Variants in HELB observed in about 807,000 individuals in gnomAD.
HELB encodes the protein DNA helicase B, also known as DNA 5'-3' helicase B.
HELB carries 96 observed loss-of-function variants against 101.7 expected under a neutral mutation model. That is an observed-to-expected ratio of 0.94 (90% CI 0.80 to 1.12). The LOEUF (loss-of-function observed/expected upper bound fraction) is 1.12. Among genes scored for constraint, HELB ranks in the 50% most tolerant of loss-of-function variants. The pLI is 0.00. For missense variants in HELB, 1,210 were observed against 1,291.9 expected, an observed-to-expected ratio of 0.94 and a Z score of 0.97; for synonymous variants, 437 against 459.7, an observed-to-expected ratio of 0.95 and a Z score of 0.63.
At chr12:66,325,668 A>G (rs967542816) in intron 11 of HELB, among the ~76,000 whole-genome samples, 1 of 152,146 alleles carries the variant, frequency 6.6e-6, no homozygotes, top group Non-Finnish European at 1.5e-5. Flanking sequence ...AGCAATATAT[A>G]TGATTGTTTT....
At chr12:66,317,018 C>CAAAAAAAA (rs35841295) in intron 6 of HELB, among the ~76,000 whole-genome samples, 3 of 81,512 alleles carry the variant, frequency 3.7e-5, no homozygotes, top group Non-Finnish European at 4.8e-5. Context: ...GACTCCATCT[C>CAAAAAAAA]AAAAAAAAAA....
chr12:66,304,719 G>GTTT lies in HELB; in HGVS notation c.188-5_188-3dup. The GTTT allele has an allele frequency of 6.4e-7, 1 of 1,555,266 alleles. No homozygotes were observed. Among genetic ancestry groups the GTTT allele is most frequent in the Admixed American group, 2.1e-5 (1 of 47,700 alleles). Reference sequence around the variant, plus strand: ...AGTTAACTTTTGTGGGTTTTTGTTTGTTTTTTTTTAGTTTCTATTTGTGAT... The same window carrying GTTT: ...AGTTAACTTTTGTGGGTTTTTGTTTGTTTTTTTTTTTTAGTTTCTATTTGTGAT... On this transcript the variant is annotated splice_polypyrimidine_tract_variant and intron_variant, in intron 1 of 12. Coordinates refer to ENST00000247815, the MANE Select transcript of HELB (RefSeq NM_001370285.1).
At chr12:66,320,249 C>T (rs1029967532) in intron 7 of HELB, among the ~76,000 whole-genome samples, 2 of 152,002 alleles carry the variant, frequency 1.3e-5, no homozygotes, top group Admixed American at 1.3e-4. Context: ...AATTAATGTT[C>T]CCTGGTAATT....
intron 1 of HELB, among the ~76,000 whole-genome samples, chr12:66,303,447 C>G (rs567054285): frequency 4.6e-5 from 7 of 151,864 alleles, no homozygotes; most frequent in African/African-American, 7.2e-5. Flanking sequence ...AAACCTGTCT[C>G]TAGTAAAACA....
intron 2 of HELB, 78 bp downstream of exon 2, chr12:66,305,228 G>A (rs2053461183): frequency 1.3e-5 from 11 of 879,630 alleles, no homozygotes; most frequent in African/African-American, 5.1e-5. Flanking sequence ...GTTACCACTA[G>A]CATAGTATTC....
intron 4 of HELB, among the ~76,000 whole-genome samples, chr12:66,313,739 G>T (rs1433280817): frequency 6.6e-6 from 1 of 152,110 alleles, no homozygotes; most frequent in Admixed American, 6.6e-5. Context: ...AAAGAATAGG[G>T]AGCTTTCTGT....
chr12:66,319,035 G>A (rs1000562752), intron 7 of HELB, among the ~76,000 whole-genome samples: 3 of 152,184 alleles, frequency 2.0e-5, no homozygotes, highest in Admixed American at 6.5e-5. Flanking sequence ...ATAGATGGAT[G>A]TAGATGATTT....
chr12:66,343,479 C>T (rs1173704448), exon 14 of HELB: 1 of 152,138 alleles, frequency 6.6e-6, no homozygotes, highest in Non-Finnish European at 1.5e-5. Context: ...CCATGGTGCC[C>T]AGGCTGGTCT....
In HELB at chr12:66,302,693, C is replaced by T. The variant is rs1471739868; in HGVS notation, c.90C>T (p.Asn30=). 3 of 1,613,968 alleles carry T rather than the reference C, an allele frequency of 1.9e-6. No individual in the cohort carries two copies. Among genetic ancestry groups the T allele is most frequent in the South Asian group, 1.1e-5 (1 of 91,086 alleles). ...DLVEEDDDYL[N]DDVEEDEESV... ...TGGAGGAGGACGACGACTACCTAAA[C>T]GACGACGTGGAGGAGGATGAAGAGT... Residue 30 remains asparagine (N), a synonymous_variant, in exon 1 of 13, where the codon AAC becomes AAT. Coordinates refer to ENST00000247815, the MANE Select transcript of HELB (RefSeq NM_001370285.1).
intron 5 of HELB, 35 bp from the exon 6 acceptor site, chr12:66,315,207 A>G (rs762503840): frequency 2.7e-6 from 4 of 1,475,812 alleles, no homozygotes; most frequent in Admixed American, 2.3e-5. Flanking sequence ...TTTTTCTCAG[A>G]GTAAGTCTTG....
In HELB at chr12:66,316,741, C is replaced by T. The variant is rs188895186; in HGVS notation, c.2000+1358C>T. On this transcript the variant is annotated intron_variant, in intron 6 of 12. Transcript: ENST00000247815. The stretch of plus-strand genomic sequence containing the variant: ...TCTATTAAAAATACAGACATTAGGC[C>T]AGGCGCGGTGGCTCATGCCTGTAAT... 9.1e-3 allele frequency among the ~76,000 whole-genome samples: 1,388 copies of T among 151,928 alleles called. 29 individuals are homozygous for T. The highest frequency in any genetic ancestry group is 0.031 in the African/African-American group (1,279 of 41,404).
At chr12:66,328,221 G>A (rs1003734889) in intron 11 of HELB, among the ~76,000 whole-genome samples, 10 of 152,292 alleles carry the variant, frequency 6.6e-5, no homozygotes, top group South Asian at 4.1e-4. Context: ...GCTATTGAGC[G>A]CTGGAAATGT....
rs989484290 is a variant in HELB at position 66,315,455 on chromosome 12, A to G, written c.2000+72A>G. 4 of 1,179,686 alleles carry G rather than the reference A, an allele frequency of 3.4e-6. No homozygotes were observed. In the African/African-American group the frequency reaches 6.2e-5, roughly 18 times the overall value. 73.1% of individuals were successfully genotyped at this position (1,179,686 alleles called of 1,614,324 possible). A position where few individuals can be genotyped will look rare whatever the true frequency, so the allele number is the denominator to read the frequency against. On this transcript the variant is annotated intron_variant, in intron 6 of 12. Transcript: ENST00000247815. ...ATTTAAAAAATGGCCTTTGAATTAG[A>G]ATGATTTAGTACAATACATTAACTA...
chr12:66,322,623 G>T, intron 8 of HELB, 101 bp from the exon 9 acceptor site: 1 of 643,066 alleles, frequency 1.6e-6, no homozygotes, highest in Non-Finnish European at 2.7e-6. Flanking sequence ...AGAAAGTCTT[G>T]GAAACGTTTT....
At position 66,313,380 on chromosome 12, in the gene HELB, C is replaced by T. The variant is rs144002830; in HGVS notation, c.1681-606C>T. 1.4e-3 allele frequency among the ~76,000 whole-genome samples: 215 copies of T among 152,170 alleles called. 8 individuals carry two copies. In the East Asian group the frequency reaches 0.029, roughly 21 times the overall value. On this transcript the variant is annotated intron_variant, in intron 4 of 12. Transcript: ENST00000247815. ...GATACTCAACCTATAAATGTTCATA[C>T]TGATGACATAGAAACATTTTTGGGA...
At position 66,331,541 on chromosome 12, in the gene HELB, T is replaced by C. The variant is rs751638673; in HGVS notation, c.3058T>C (p.Ser1020Pro). 3 of 1,614,022 alleles carry C rather than the reference T, an allele frequency of 1.9e-6. No individual in the cohort carries two copies. The highest frequency in any genetic ancestry group is 8.5e-7 in the Non-Finnish European group (1 of 1,180,044). Reference protein sequence around the residue: ...TLTFAERWQLSSPDGVDTDDD... With the variant: ...TLTFAERWQLPSPDGVDTDDD... ...CACCTTTGCTGAAAGATGGCAATTA[T>C]CTTCACCTGATGGAGTAGATACAGA... Residue 1020 changes from serine to proline, a missense_variant, in exon 12 of 13, where the codon TCT becomes CCT. By Grantham distance (74) the Ser-to-Pro change is moderately conservative. This residue lies in a region of HELB where 740 missense variants were observed against 728.8 expected (regional missense o/e 1.02). Transcript: ENST00000247815.
intron 10 of HELB, 21 bp downstream of exon 10, chr12:66,324,232 A>C: frequency 6.8e-7 from 1 of 1,472,016 alleles, no homozygotes; most frequent in Non-Finnish European, 9.5e-7. Context: ...ACAGAAGATA[A>C]TATCTTTTAA....
chr12:66,320,859 A>G (rs937690519), intron 7 of HELB, among the ~76,000 whole-genome samples: 5 of 152,202 alleles, frequency 3.3e-5, no homozygotes, highest in African/African-American at 1.2e-4. Flanking sequence ...TGTGAGAAAA[A>G]TGTATATCTT....
At chr12:66,327,803 A>G (rs1240686325) in intron 11 of HELB, among the ~76,000 whole-genome samples, 2 of 152,204 alleles carry the variant, frequency 1.3e-5, no homozygotes, top group Non-Finnish European at 2.9e-5. Flanking sequence ...TAAAAAAAAT[A>G]AAAACAAGAA....
Sources: gnomAD v4.1 joint callset for allele counts (sites outside exome capture counted in the v4.1 genomes callset) on GRCh38, gnomAD v4.1.1 for gene constraint, gnomAD v4.1.1 regional missense constraint, MANE v1.5 for transcripts, NCBI Gene and HGNC (gene_info 2026-07-23, HGNC 2026-07-21) for gene names.